Variants in OTOG observed in about 807,000 individuals in gnomAD.
OTOG encodes the protein otogelin.
Under a neutral mutation model 313.8 loss-of-function variants are expected in OTOG, and 296 were observed. The ratio of observed to expected loss-of-function variants is 0.94; its 90% CI spans 0.86 to 1.04. OTOG has a LOEUF of 1.04. Ranked by LOEUF, OTOG falls within the 50% of genes least tolerant of loss-of-function variation. The probability of loss-of-function intolerance (pLI) is 0.00; values close to 1 mark genes in which losing one functional copy is unlikely to be tolerated. For synonymous variants in OTOG, 1,533 were observed against 1,554.9 expected, an observed-to-expected ratio of 0.99 and a Z score of 0.33; for missense variants, 3,948 against 3,840.1, an observed-to-expected ratio of 1.03 and a Z score of -0.74.
At chr11:17,639,332 G>A (rs1847918944) in intron 48 of OTOG, 91 bp from the exon 49 acceptor site, 13 of 1,385,408 alleles carry the variant, frequency 9.4e-6, no homozygotes, top group Non-Finnish European at 1.3e-5. Flanking sequence ...CAGAAGACGG[G>A]TTGTGCCAGC....
intron 17 of OTOG, among the ~76,000 whole-genome samples, chr11:17,571,774 TGC>T (rs1226549965): frequency 6.6e-6 from 1 of 152,090 alleles, no homozygotes; most frequent in Non-Finnish European, 1.5e-5. Flanking sequence ...TGTGTGTGTG[TGC>T]GTGCGCGCAC....
intron 15 of OTOG, among the ~76,000 whole-genome samples, chr11:17,565,944 A>G (rs1211816711): frequency 1.3e-5 from 2 of 152,096 alleles, no homozygotes; most frequent in Non-Finnish European, 2.9e-5. Context: ...TTTCTCCAAA[A>G]ATATTACCAG....
At chr11:17,590,223 T>C (rs1241763400) in intron 24 of OTOG, among the ~76,000 whole-genome samples, 1 of 152,224 alleles carries the variant, frequency 6.6e-6, no homozygotes, top group Non-Finnish European at 1.5e-5. Flanking sequence ...GTATGTCTAA[T>C]GGAGGTCTCA....
intron 7 of OTOG, among the ~76,000 whole-genome samples, chr11:17,556,858 C>T (rs956792464): frequency 1.3e-5 from 2 of 152,216 alleles, no homozygotes; most frequent in Admixed American, 6.5e-5. Flanking sequence ...ATATTCTATC[C>T]TGTCTGGGAG....
chr11:17,587,724 C>T (rs1852832343), intron 24 of OTOG, among the ~76,000 whole-genome samples: 1 of 152,198 alleles, frequency 6.6e-6, no homozygotes, highest in African/African-American at 2.4e-5. Context: ...GGCTGTCTGA[C>T]CCCAGAAGTC....
chr11:17,583,661 T>A (rs965627893), intron 23 of OTOG, among the ~76,000 whole-genome samples: 2 of 152,262 alleles, frequency 1.3e-5, no homozygotes, highest in African/African-American at 2.4e-5. Flanking sequence ...GACTCTTTTC[T>A]GTTCCATTGA....
At chr11:17,605,289 G>A (rs1270993442) in intron 32 of OTOG, among the ~76,000 whole-genome samples, 1 of 152,174 alleles carries the variant, frequency 6.6e-6, no homozygotes, top group Non-Finnish European at 1.5e-5. Context: ...TGGGTCTCTG[G>A]GCAAGCTCCT....
chr11:17,641,054 A>C lies in OTOG; in HGVS notation c.8153A>C (p.Asn2718Thr). Residue 2718 changes from asparagine to threonine, a missense_variant, in exon 51 of 56, where the codon AAC becomes ACC. By Grantham distance (65) the Asn-to-Thr change is moderately conservative. Transcript: ENST00000399397. ...LDPLTNFYQINTTSVLCDIHC... is the reference protein window; with the variant it reads ...LDPLTNFYQITTTSVLCDIHC... Reference sequence around the variant, plus strand: ...CCTCTCACCAACTTCTACCAGATCAACACCACCTCCGTGCTCTGTGACATC... The same window carrying C: ...CCTCTCACCAACTTCTACCAGATCACCACCACCTCCGTGCTCTGTGACATC... The C allele has an allele frequency of 7.8e-7, 1 of 1,288,090 alleles. No homozygotes were observed. Among genetic ancestry groups the C allele is most frequent in the Non-Finnish European group, 1.0e-6 (1 of 988,850 alleles). The allele number at this position is 1,288,090 out of a possible 1,614,324, so 79.8% of individuals were successfully genotyped here.
chr11:17,616,284 T>C (rs1664243761), intron 39 of OTOG, among the ~76,000 whole-genome samples: 1 of 152,266 alleles, frequency 6.6e-6, no homozygotes, highest in South Asian at 2.1e-4. Flanking sequence ...CTCAAACTCC[T>C]GGCCTCAAGA....
chr11:17,639,750 C>G (rs1480152153), intron 49 of OTOG, among the ~76,000 whole-genome samples: 1 of 151,672 alleles, frequency 6.6e-6, no homozygotes, highest in African/African-American at 2.4e-5. Flanking sequence ...ATGGTGGGGA[C>G]AGTGAGGAGG....
intron 39 of OTOG, among the ~76,000 whole-genome samples, chr11:17,626,505 C>G (rs1853990018): frequency 6.6e-6 from 1 of 152,214 alleles, no homozygotes; most frequent in Non-Finnish European, 1.5e-5. Flanking sequence ...CAGTACCATG[C>G]TGCTTTGGTT....
At chr11:17,557,429 C>G (rs965629178) in intron 8 of OTOG, 106 bp downstream of exon 8, 2 of 1,171,886 alleles carry the variant, frequency 1.7e-6, no homozygotes, top group African/African-American at 1.5e-5. Context: ...GGGTCGTGGT[C>G]ATGGTATTAA....
At chr11:17,559,928 G>GGGAA (rs748854211) in intron 12 of OTOG, among the ~76,000 whole-genome samples, 338 of 150,796 alleles carry the variant, frequency 2.2e-3, no homozygotes, top group African/African-American at 7.7e-3. Context: ...AAGGAAGGGA[G>GGGAA]GGAAGGAAGG....
chr11:17,559,838 GAAA>G (rs1237841064), intron 12 of OTOG, among the ~76,000 whole-genome samples, 176 bp downstream of exon 12: 3 of 144,220 alleles, frequency 2.1e-5, no homozygotes, highest in African/African-American at 7.8e-5. Flanking sequence ...AAGGAGGAAG[GAAA>G]AAAGGAGGAA....
At position 17,559,199 on chromosome 11, in the gene OTOG, G is replaced by C. The variant is rs373282902; in HGVS notation, c.1213+38G>C. 483 of 1,413,118 alleles carry C rather than the reference G, an allele frequency of 3.4e-4. No homozygotes were observed. In the African/African-American group the frequency reaches 5.9e-3, roughly 17 times the overall value. 87.5% of individuals were successfully genotyped at this position (1,413,118 alleles called of 1,614,324 possible). On this transcript the variant is annotated intron_variant, in intron 11 of 55. Coordinates refer to ENST00000399397, the MANE Select transcript of OTOG (RefSeq NM_001292063.2). The stretch of plus-strand genomic sequence containing the variant: ...CAGTAGTGGGGCAGGGAGGCCTTCA[G>C]GCTGTGGGTGGCATTCTCAGGCCTC...
At chr11:17,595,231 C>A (rs1853063842) in intron 28 of OTOG, among the ~76,000 whole-genome samples, 2 of 152,166 alleles carry the variant, frequency 1.3e-5, no homozygotes, top group Admixed American at 1.3e-4. Context: ...AACACACCCC[C>A]ATTTTAGAGA....
chr11:17,629,250 C>A lies in OTOG; in HGVS notation c.6646C>A (p.His2216Asn), dbSNP rs1452518066. The change falls in exon 40 of 56, where the codon CAC becomes AAC. Residue 2216 changes from histidine (H) to asparagine (N), a missense_variant. His to Asn is a moderately conservative substitution (Grantham distance 68). Coordinates refer to ENST00000399397, the MANE Select transcript of OTOG (RefSeq NM_001292063.2). ...CTCAGACATCCAGATCCAGTGGCTC[C>A]ACAGCTCAGGACTCATGATCGTGGA... ...TPSDIQIQWL[H>N]SSGLMIVEAS... is the part of the protein sequence containing the mutation. The A allele has an allele frequency of 6.4e-7, 1 of 1,550,632 alleles. No individual in the cohort carries two copies. The highest frequency in any genetic ancestry group is 1.2e-5 in the South Asian group (1 of 84,060).
In OTOG at chr11:17,577,166, G is replaced by A. The variant is rs536400381; in HGVS notation, c.2605+255G>A. On this transcript the variant is annotated intron_variant, in intron 22 of 55. Transcript: ENST00000399397. ...GAGGCTGAGACTTTGTCTTCCTTCAGGGCAATGATCTGGGGCAACCACGTT... is the reference window on the plus strand; with the variant it reads ...GAGGCTGAGACTTTGTCTTCCTTCAAGGCAATGATCTGGGGCAACCACGTT... Among the ~76,000 whole-genome samples, 361 of 152,292 alleles carry A rather than the reference G, an allele frequency of 2.4e-3. 3 individuals carry two copies. Among genetic ancestry groups the A allele is most frequent in the Non-Finnish European group, 2.4e-3 (161 of 68,012 alleles).
chr11:17,583,488 A>G (rs1251072924), intron 23 of OTOG, among the ~76,000 whole-genome samples: 1 of 148,928 alleles, frequency 6.7e-6, no homozygotes, highest in Non-Finnish European at 1.5e-5. Context: ...TATTTTACAC[A>G]TGTTTCAAAA....
Sources: gnomAD v4.1 joint callset for allele counts (sites outside exome capture counted in the v4.1 genomes callset) on GRCh38, gnomAD v4.1.1 for gene constraint, MANE v1.5 for transcripts, NCBI Gene and HGNC (gene_info 2026-07-23, HGNC 2026-07-21) for gene names.